Variants in RABGAP1L observed in about 807,000 individuals in gnomAD.
The protein encoded by RABGAP1L is RAB GTPase activating protein 1 like.
In RABGAP1L, 63 loss-of-function variants were observed where a neutral mutation model predicts 137.7. That is an observed-to-expected ratio of 0.46 (90% confidence interval 0.37 to 0.56). RABGAP1L has a LOEUF of 0.56. Ranked by LOEUF, RABGAP1L falls within the 20% of genes least tolerant of loss-of-function variation. The pLI, the probability that RABGAP1L is intolerant of heterozygous loss-of-function variation, is 0.00. For missense variants in RABGAP1L, 1,095 were observed against 1,244.0 expected, an observed-to-expected ratio of 0.88 and a Z score of 1.80; for synonymous variants, 431 against 433.7, an observed-to-expected ratio of 0.99 and a Z score of 0.08.
chr1:174,853,242 T>A (rs1166381667), intron 19 of RABGAP1L, among the ~76,000 whole-genome samples: 1 of 151,306 alleles, frequency 6.6e-6, no homozygotes, highest in African/African-American at 2.4e-5. Context: ...TTTTTTTTTT[T>A]AACATCCAGT....
At chr1:174,291,218 C>G (rs567265815) in intron 10 of RABGAP1L, among the ~76,000 whole-genome samples, 1 of 152,038 alleles carries the variant, frequency 6.6e-6, no homozygotes, top group East Asian at 1.9e-4. Context: ...TTTTCTGCAT[C>G]TTTGTGGTTT....
chr1:174,500,477 T>G (rs1035036973), intron 13 of RABGAP1L, among the ~76,000 whole-genome samples: 2 of 152,198 alleles, frequency 1.3e-5, no homozygotes, highest in African/African-American at 4.8e-5. Flanking sequence ...TAGTTTGATT[T>G]GTTCACTTGA....
chr1:174,599,885 T>G (rs966813911), intron 13 of RABGAP1L, among the ~76,000 whole-genome samples: 1 of 152,162 alleles, frequency 6.6e-6, no homozygotes, highest in Admixed American at 6.5e-5. Context: ...TTTGGAATGT[T>G]TTCTGTTATT....
At chr1:174,570,244 T>A (rs1460358953) in intron 13 of RABGAP1L, among the ~76,000 whole-genome samples, 1 of 152,236 alleles carries the variant, frequency 6.6e-6, no homozygotes, top group Non-Finnish European at 1.5e-5. Flanking sequence ...AACAGTTCTG[T>A]CATCATCACT....
In RABGAP1L at chr1:174,789,280, A is replaced by G. The variant is rs562770347; in HGVS notation, c.2212-22552A>G. ...GGAAGCATAATATTATGTATTAATC[A>G]TGGCATTCTTAAGGAATCACTGCAA... On this transcript the variant is annotated intron_variant, in intron 18 of 25. Transcript: ENST00000681986. 4.6e-5 allele frequency among the ~76,000 whole-genome samples: 7 copies of G among 152,286 alleles called. No individual in the cohort carries two copies. The South Asian group carries it at 1.0e-3, about 23-fold the overall frequency.
intron 11 of RABGAP1L, among the ~76,000 whole-genome samples, chr1:174,369,363 G>A (rs1332432517): frequency 6.6e-6 from 1 of 152,024 alleles, no homozygotes; most frequent in Non-Finnish European, 1.5e-5. Context: ...CTAATTTTTT[G>A]TAATTTTGAT....
chr1:174,775,528 G>A (rs964287005), intron 18 of RABGAP1L, among the ~76,000 whole-genome samples: 14 of 152,038 alleles, frequency 9.2e-5, no homozygotes, highest in African/African-American at 3.4e-4. Flanking sequence ...GGTCAGGCTG[G>A]TCTCGAACTC....
At chr1:174,419,389 C>T (rs1571713076) in intron 13 of RABGAP1L, among the ~76,000 whole-genome samples, 1 of 152,176 alleles carries the variant, frequency 6.6e-6, no homozygotes, top group African/African-American at 2.4e-5. Flanking sequence ...AGACTGTAAA[C>T]TCTAGAATGT....
At chr1:174,382,489 C>G (rs1473280284) in intron 12 of RABGAP1L, among the ~76,000 whole-genome samples, 6 of 41,360 alleles carry the variant, frequency 1.5e-4, no homozygotes, top group South Asian at 8.9e-4. Flanking sequence ...TTGCTCATTT[C>G]TTTTTATTCT....
At chr1:174,210,205 C>T (rs10912746) in intron 1 of RABGAP1L, among the ~76,000 whole-genome samples, 44,679 of 151,968 alleles carry the variant, frequency 0.29, 6,993 homozygotes, top group African/African-American at 0.37. Context: ...AGATGAACAT[C>T]GACAAGCATC....
intron 13 of RABGAP1L, among the ~76,000 whole-genome samples, chr1:174,407,855 G>C (rs1323270102): frequency 1.3e-5 from 2 of 152,086 alleles, no homozygotes; most frequent in Non-Finnish European, 2.9e-5. Flanking sequence ...TGAGAAATAT[G>C]TGAGAACCAT....
chr1:174,349,046 G>GGGGT (rs1553278354), intron 11 of RABGAP1L, among the ~76,000 whole-genome samples: 7 of 87,540 alleles, frequency 8.0e-5, no homozygotes, highest in Non-Finnish European at 1.3e-4. Flanking sequence ...TGGCCGGGCG[G>GGGGT]GGGGGGGGCT....
chr1:174,309,517 G>A (rs953330537), intron 11 of RABGAP1L, among the ~76,000 whole-genome samples: 6 of 151,908 alleles, frequency 3.9e-5, no homozygotes, highest in Non-Finnish European at 5.9e-5. Flanking sequence ...ATTTTATCCA[G>A]GTATATCCCT....
intron 13 of RABGAP1L, among the ~76,000 whole-genome samples, chr1:174,622,094 C>T (rs933265402): frequency 3.3e-5 from 5 of 152,102 alleles, no homozygotes; most frequent in Non-Finnish European, 5.9e-5. Flanking sequence ...CCAAGAGACA[C>T]ATGAAAAAAT....
intron 13 of RABGAP1L, among the ~76,000 whole-genome samples, chr1:174,612,967 C>A (rs1463044264): frequency 2.0e-5 from 3 of 151,434 alleles, no homozygotes; most frequent in Non-Finnish European, 4.4e-5. Context: ...ATTAGTCTTG[C>A]TAGTGGTCTA....
At chr1:174,604,835 T>A (rs1670660992) in intron 13 of RABGAP1L, among the ~76,000 whole-genome samples, 1 of 152,184 alleles carries the variant, frequency 6.6e-6, no homozygotes, top group Non-Finnish European at 1.5e-5. Flanking sequence ...TGCTTAATAA[T>A]GTTTCATCAA....
At chr1:174,475,842 A>T (rs1658448788) in intron 13 of RABGAP1L, among the ~76,000 whole-genome samples, 1 of 151,016 alleles carries the variant, frequency 6.6e-6, no homozygotes, top group Non-Finnish European at 1.5e-5. Flanking sequence ...AATTATCTAC[A>T]GGCCAGTAAT....
intron 14 of RABGAP1L, among the ~76,000 whole-genome samples, chr1:174,682,949 G>A (rs556216348): frequency 6.6e-6 from 1 of 152,154 alleles, no homozygotes; most frequent in South Asian, 2.1e-4. Flanking sequence ...AAATATTTCT[G>A]GTTTGCCCCA....
intron 13 of RABGAP1L, among the ~76,000 whole-genome samples, chr1:174,571,844 T>G (rs1466280926): frequency 6.6e-6 from 1 of 152,202 alleles, no homozygotes; most frequent in East Asian, 1.9e-4. Flanking sequence ...AAAGTATGTT[T>G]ACACTGCTTC....
Sources: allele counts gnomAD v4.1 joint callset (sites outside exome capture counted in the v4.1 genomes callset), GRCh38; gene constraint gnomAD v4.1.1; transcripts MANE v1.5; gene names NCBI Gene and HGNC (gene_info 2026-07-23, HGNC 2026-07-21).